FAR2: variants seen among roughly 807,000 people sequenced by gnomAD.
FAR2 encodes the protein epididymis secretory protein Li 81.
In FAR2, 19 loss-of-function variants were observed where a neutral mutation model predicts 56.0. The ratio of observed to expected loss-of-function variants is 0.34; its 90% CI spans 0.24 to 0.50. The LOEUF (loss-of-function observed/expected upper bound fraction) is 0.50. Ranked by LOEUF, FAR2 falls within the 20% of genes least tolerant of loss-of-function variation. The pLI, the probability that FAR2 is intolerant of heterozygous loss-of-function variation, is 0.98. For missense variants in FAR2, 508 were observed against 642.2 expected (o/e 0.79, Z 2.26); for synonymous variants, 219 against 218.8 (o/e 1.00, Z -0.01).
At position 29,184,422 on chromosome 12, in the gene FAR2, C is replaced by CTT. The variant is rs71042961; in HGVS notation, c.-39+35044_-39+35045dup. Among the ~76,000 whole-genome samples, 73 of 59,730 alleles carry CTT rather than the reference C, an allele frequency of 1.2e-3. 3 individuals carry two copies. The highest frequency in any genetic ancestry group is 1.6e-3 in the Non-Finnish European group (54 of 34,226). The allele number at this position is 59,730 out of a possible 152,430, so 39.2% of individuals were successfully genotyped here. On this transcript the variant is annotated intron_variant, in intron 1 of 11. Coordinates refer to ENST00000536681, the MANE Select transcript of FAR2 (RefSeq NM_001271783.2). ...ACCATTGTAAAGGCCAATCTAGCAT[C>CTT]TTTTTTTTTTTTTTTTTTTTTTTTT...
chr12:29,223,547 T>C (rs1043227240), intron 1 of FAR2: 2 of 152,188 alleles, frequency 1.3e-5, no homozygotes, highest in Middle Eastern at 3.2e-3. Flanking sequence ...GATAACCAAA[T>C]TACGTTTCTC....
chr12:29,182,821 A>C (rs1950003757), intron 1 of FAR2, among the ~76,000 whole-genome samples: 2 of 152,310 alleles, frequency 1.3e-5, no homozygotes, highest in South Asian at 2.1e-4. Flanking sequence ...CCTGAGCAGC[A>C]TAAGGGTTAT....
chr12:29,332,462 T>A (rs1262624009), intron 10 of FAR2, 138 bp from the exon 11 acceptor site: 21 of 1,169,158 alleles, frequency 1.8e-5, no homozygotes, highest in Non-Finnish European at 2.4e-5. Context: ...ATGACTCAAA[T>A]AATCTCTCCT....
chr12:29,179,005 G>A (rs1949966658), intron 1 of FAR2, among the ~76,000 whole-genome samples: 1 of 152,124 alleles, frequency 6.6e-6, no homozygotes, highest in Admixed American at 6.5e-5. Flanking sequence ...TTGGCTGGTA[G>A]ATGGCCATCT....
At chr12:29,275,973 A>G (rs1417486963) in intron 2 of FAR2, among the ~76,000 whole-genome samples, 5 of 152,188 alleles carry the variant, frequency 3.3e-5, no homozygotes, top group Non-Finnish European at 5.9e-5. Context: ...TCCCAATATC[A>G]GCAGCATTCA....
intron 1 of FAR2, among the ~76,000 whole-genome samples, chr12:29,185,145 T>G (rs946431549): frequency 8.5e-5 from 13 of 152,238 alleles, no homozygotes; most frequent in Non-Finnish European, 1.8e-4. Context: ...CTAATTTTAT[T>G]TCATGTGGAT....
Position 29,225,992 on chromosome 12 carries a change from T to C in FAR2, c.-38-44420T>C, listed in dbSNP as rs180943463. Among the ~76,000 whole-genome samples, 3 of 152,354 alleles carry C rather than the reference T, an allele frequency of 2.0e-5. No individual in the cohort carries two copies. In the East Asian group the frequency reaches 5.8e-4, roughly 29 times the overall value. On this transcript the variant is annotated intron_variant, in intron 1 of 11. Coordinates refer to ENST00000536681, the MANE Select transcript of FAR2 (RefSeq NM_001271783.2). ...AGATAGAGATCCTGGGTGACAGTTCTTGCTCTTTCTCCCAGCAATCAGATG... is the reference window on the plus strand; with the variant it reads ...AGATAGAGATCCTGGGTGACAGTTCCTGCTCTTTCTCCCAGCAATCAGATG...
Position 29,313,997 on chromosome 12 carries a change from G to A in FAR2, c.955+2047G>A, listed in dbSNP as rs192717471. 7.2e-4 allele frequency among the ~76,000 whole-genome samples: 107 copies of A among 149,210 alleles called. 1 individual carries two copies. In the East Asian group the frequency reaches 0.015, roughly 21 times the overall value. On this transcript the variant is annotated intron_variant, in intron 8 of 11. Coordinates refer to ENST00000536681, the MANE Select transcript of FAR2 (RefSeq NM_001271783.2). ...ACATGCATTTATGGCTTTATATTTCGCTCAAATGCCACTTTGGCTGTATCC... is the reference window on the plus strand; with the variant it reads ...ACATGCATTTATGGCTTTATATTTCACTCAAATGCCACTTTGGCTGTATCC...
intron 2 of FAR2, chr12:29,291,538 T>G (rs1948967684): frequency 9.1e-6 from 4 of 441,312 alleles, no homozygotes; most frequent in African/African-American, 8.1e-5. Flanking sequence ...ATCATTTGCA[T>G]GCCTTAAAAT....
intron 8 of FAR2, among the ~76,000 whole-genome samples, chr12:29,315,383 A>T (rs1949429698): frequency 2.0e-5 from 3 of 152,176 alleles, no homozygotes; most frequent in African/African-American, 7.2e-5. Context: ...GAGGATGCAG[A>T]GTGTGCAAAG....
At chr12:29,157,136 ATATATATATG>A (rs1949736122) in intron 1 of FAR2, 1 of 140,404 alleles carries the variant, frequency 7.1e-6, no homozygotes, top group African/African-American at 2.7e-5. Flanking sequence ...ATATATATAT[ATATATATATG>A]TATCAATGTG....
chr12:29,199,214 T>C (rs992172368), intron 1 of FAR2, among the ~76,000 whole-genome samples: 2 of 152,138 alleles, frequency 1.3e-5, no homozygotes, highest in African/African-American at 4.8e-5. Flanking sequence ...TATGACACAA[T>C]CAGGAATTCA....
intron 10 of FAR2, among the ~76,000 whole-genome samples, chr12:29,323,785 CAAA>C (rs1449975789): frequency 6.6e-6 from 1 of 152,110 alleles, no homozygotes; most frequent in Non-Finnish European, 1.5e-5. Context: ...GATAAAACCA[CAAA>C]GATGGGGAAA....
chr12:29,197,458 A>G (rs879482172), intron 1 of FAR2, among the ~76,000 whole-genome samples: 3 of 152,210 alleles, frequency 2.0e-5, no homozygotes, highest in Non-Finnish European at 4.4e-5. Context: ...GAACAGTACA[A>G]AGCACTATCT....
chr12:29,188,292 C>T (rs1591839134), intron 1 of FAR2, among the ~76,000 whole-genome samples: 1 of 152,068 alleles, frequency 6.6e-6, no homozygotes, highest in East Asian at 1.9e-4. Flanking sequence ...CCTTTAGCTT[C>T]GGGTCTATCA....
At chr12:29,154,965 A>G (rs902987107) in intron 1 of FAR2, among the ~76,000 whole-genome samples, 76 of 152,338 alleles carry the variant, frequency 5.0e-4, no homozygotes, top group African/African-American at 1.8e-3. Flanking sequence ...AGCTTCTCTC[A>G]TCTCTTTAAT....
chr12:29,193,488 A>G (rs541400193), intron 1 of FAR2, among the ~76,000 whole-genome samples: 1 of 152,316 alleles, frequency 6.6e-6, no homozygotes, highest in East Asian at 1.9e-4. Context: ...ATGTAAGTGG[A>G]ATCAGACAGT....
chr12:29,313,797 A>G (rs1949395373), intron 8 of FAR2, among the ~76,000 whole-genome samples: 1 of 151,676 alleles, frequency 6.6e-6, no homozygotes, highest in Non-Finnish European at 1.5e-5. Context: ...AGGGTTTATT[A>G]TTTTTTTCAA....
chr12:29,190,844 A>C (rs1950097642), intron 1 of FAR2, among the ~76,000 whole-genome samples: 1 of 152,166 alleles, frequency 6.6e-6, no homozygotes, highest in Admixed American at 6.5e-5. Flanking sequence ...CAATCAGAAG[A>C]ATTTCAATTT....
Sources: allele counts gnomAD v4.1 joint callset (sites outside exome capture counted in the v4.1 genomes callset), GRCh38; gene constraint gnomAD v4.1.1; transcripts MANE v1.5; gene names NCBI Gene and HGNC (gene_info 2026-07-23, HGNC 2026-07-21).